PFDN1: variants seen among roughly 807,000 people sequenced by gnomAD.
PFDN1 encodes the protein prefoldin subunit 1, also known as prefoldin 1.
PFDN1 carries 6 observed loss-of-function variants against 17.3 expected under a neutral mutation model. That is an observed-to-expected ratio of 0.35 (90% confidence interval 0.19 to 0.69). The LOEUF (loss-of-function observed/expected upper bound fraction) is 0.69. Ranked by LOEUF, PFDN1 falls within the 30% of genes least tolerant of loss-of-function variation. The pLI is 0.65. For synonymous variants in PFDN1, 58 were observed against 50.1 expected, an observed-to-expected ratio of 1.16 and a Z score of -0.67; for missense variants, 113 against 146.2, an observed-to-expected ratio of 0.77 and a Z score of 1.17.
rs146745848 is a variant in PFDN1 at position 140,277,721 on chromosome 5, C to T, written c.285+3728G>A. Among the ~76,000 whole-genome samples the T allele has an allele frequency of 3.8e-4, 57 of 151,116 alleles. No individual in the cohort carries two copies. The East Asian group carries it at 7.2e-3, about 19-fold the overall frequency. ...CCAACCTGAGTGACAGAGTGAGACCCCATCTCAAATTAAAAAAAAAAAGAA... is the reference window on the plus strand; with the variant it reads ...CCAACCTGAGTGACAGAGTGAGACCTCATCTCAAATTAAAAAAAAAAAGAA... On this transcript the variant is annotated intron_variant, in intron 3 of 3. Coordinates refer to ENST00000261813, the MANE Select transcript of PFDN1 (RefSeq NM_002622.5).
chr5:140,281,829 G>C (rs1765406510), intron 2 of PFDN1: 1 of 260,024 alleles, frequency 3.8e-6, no homozygotes, highest in Non-Finnish European at 7.3e-6. Context: ...TTTGAGCCCA[G>C]GTGTCTGAGT....
At position 140,285,425 on chromosome 5, in the gene PFDN1, C is replaced by T. The variant is rs188911522; in HGVS notation, c.201-3892G>A. ...GGTGAGGAAAGTTACTGAATTTTTA[C>T]GTCGTAATTTTTAGCGTGGAAGCAA... On this transcript the variant is annotated intron_variant, in intron 2 of 3. Coordinates refer to ENST00000261813, the MANE Select transcript of PFDN1 (RefSeq NM_002622.5). Among the ~76,000 whole-genome samples, 110 of 151,248 alleles carry T rather than the reference C, an allele frequency of 7.3e-4. No individual in the cohort carries two copies. The Middle Eastern group carries it at 0.021, about 29-fold the overall frequency.
intron 3 of PFDN1, among the ~76,000 whole-genome samples, chr5:140,280,017 A>AAAAAAAAAAAAAAAAAAAAG (rs1561509725): frequency 6.9e-6 from 1 of 145,628 alleles, no homozygotes; most frequent in African/African-American, 2.5e-5. Context: ...AAAAAAACAA[A>AAAAAAAAAAAAAAAAAAAAG]AAAAGAAAAG....
chr5:140,285,460 A>C (rs1726854047), intron 2 of PFDN1, among the ~76,000 whole-genome samples: 1 of 152,044 alleles, frequency 6.6e-6, no homozygotes, highest in African/African-American at 2.4e-5. Flanking sequence ...AGTAGAAATA[A>C]ATTGAACTTC....
intron 2 of PFDN1, chr5:140,293,253 C>T (rs182162612): frequency 2.0e-5 from 3 of 151,646 alleles, no homozygotes; most frequent in Admixed American, 6.6e-5. Context: ...TGTAGTATCC[C>T]GCAAATGACT....
chr5:140,295,973 C>T (rs1765648102), intron 2 of PFDN1, among the ~76,000 whole-genome samples: 1 of 152,066 alleles, frequency 6.6e-6, no homozygotes, highest in African/African-American at 2.4e-5. Context: ...TACCCTCAAG[C>T]ATAATCTTTA....
At chr5:140,257,783 C>T (rs1425827579) in intron 3 of PFDN1, among the ~76,000 whole-genome samples, 1 of 152,200 alleles carries the variant, frequency 6.6e-6, no homozygotes, top group Non-Finnish European at 1.5e-5. Flanking sequence ...GAACAAAGCA[C>T]ACACTTATCC....
intron 1 of PFDN1, among the ~76,000 whole-genome samples, chr5:140,301,118 A>C (rs1336617050): frequency 6.6e-6 from 1 of 152,242 alleles, no homozygotes; most frequent in Non-Finnish European, 1.5e-5. Context: ...AAATGAGTTA[A>C]GAGATAAAAG....
At chr5:140,271,915 TAC>T (rs989572691) in intron 3 of PFDN1, among the ~76,000 whole-genome samples, 1 of 149,690 alleles carries the variant, frequency 6.7e-6, no homozygotes, top group Non-Finnish European at 1.5e-5. Flanking sequence ...ATTATATATA[TAC>T]ACACACATAT....
At chr5:140,260,383 A>C (rs547957680) in intron 3 of PFDN1, among the ~76,000 whole-genome samples, 2,939 of 117,598 alleles carry the variant, frequency 0.025, 54 homozygotes, top group Admixed American at 0.047. Context: ...ACAAACAAAA[A>C]CTTGTAAATG....
At chr5:140,278,474 T>C (rs1182903019) in intron 3 of PFDN1, among the ~76,000 whole-genome samples, 1 of 138,304 alleles carries the variant, frequency 7.2e-6, no homozygotes, top group African/African-American at 2.8e-5. Flanking sequence ...GGCAGAAGAA[T>C]CGCTTGAACC....
chr5:140,276,810 GAGAGTATTTTTGCA>G (rs1296565193), intron 3 of PFDN1, among the ~76,000 whole-genome samples: 5 of 138,696 alleles, frequency 3.6e-5, no homozygotes, highest in Non-Finnish European at 7.8e-5. Context: ...AAAAAAGACT[GAGAGTATTTTTGCA>G]TGGCTAAAGC....
chr5:140,293,809 A>G (rs1394787702), intron 2 of PFDN1, among the ~76,000 whole-genome samples: 1 of 152,056 alleles, frequency 6.6e-6, no homozygotes, highest in East Asian at 1.9e-4. Flanking sequence ...AGAGTACTAA[A>G]TCTGTGCAAG....
At chr5:140,261,154 T>G (rs1235338802) in intron 3 of PFDN1, among the ~76,000 whole-genome samples, 1 of 114,672 alleles carries the variant, frequency 8.7e-6, no homozygotes, top group African/African-American at 3.6e-5. Flanking sequence ...ACAGTAAGAC[T>G]CCATCTCAAA....
intron 3 of PFDN1, among the ~76,000 whole-genome samples, chr5:140,247,685 T>C (rs1764849421): frequency 6.6e-6 from 1 of 152,158 alleles, no homozygotes. Context: ...ATGCCTATAA[T>C]CCCAACACTT....
chr5:140,290,837 A>ATC (rs1765569765), intron 2 of PFDN1, among the ~76,000 whole-genome samples: 3 of 152,230 alleles, frequency 2.0e-5, no homozygotes, highest in African/African-American at 7.2e-5. Flanking sequence ...TTCTTTAAGA[A>ATC]AGACATCTGA....
chr5:140,276,107 C>T (rs886940829), intron 3 of PFDN1, among the ~76,000 whole-genome samples: 1 of 151,952 alleles, frequency 6.6e-6, no homozygotes, highest in Non-Finnish European at 1.5e-5. Flanking sequence ...ACAAGAAATA[C>T]TAGGTCTAGA....
At position 140,248,072 on chromosome 5, in the gene PFDN1, C is replaced by CTTT. The variant is rs113993165; in HGVS notation, c.286-2018_286-2016dup. On this transcript the variant is annotated intron_variant, in intron 3 of 3. Coordinates refer to ENST00000261813, the MANE Select transcript of PFDN1 (RefSeq NM_002622.5). Reference sequence around the variant, plus strand: ...TTTAAACTTCCTTTGATAAACAACTCTTTTTTTTTTTTTTGAGACGGAATC... The same window carrying CTTT: ...TTTAAACTTCCTTTGATAAACAACTCTTTTTTTTTTTTTTTTTGAGACGGAATC... Among the ~76,000 whole-genome samples the CTTT allele has an allele frequency of 5.3e-4, 76 of 143,034 alleles. 1 individual carries two copies. Among genetic ancestry groups the CTTT allele is most frequent in the South Asian group, 1.1e-3 (5 of 4,480 alleles). 93.8% of individuals were successfully genotyped at this position (143,034 alleles called of 152,430 possible). A position where few individuals can be genotyped will look rare whatever the true frequency, so the allele number is the denominator to read the frequency against.
intron 2 of PFDN1, among the ~76,000 whole-genome samples, chr5:140,296,887 G>C (rs1289834460): frequency 6.6e-6 from 1 of 152,194 alleles, no homozygotes; most frequent in African/African-American, 2.4e-5. Context: ...AAAGTGGTGG[G>C]ACTTGAGGCA....
Sources: gnomAD v4.1 joint callset for allele counts (sites outside exome capture counted in the v4.1 genomes callset) on GRCh38, gnomAD v4.1.1 for gene constraint, MANE v1.5 for transcripts, NCBI Gene and HGNC (gene_info 2026-07-23, HGNC 2026-07-21) for gene names.